UNC5C: variants seen among roughly 807,000 people sequenced by gnomAD.
UNC5C encodes the protein netrin receptor UNC5C.
UNC5C carries 47 observed loss-of-function variants against 99.8 expected under a neutral mutation model. The observed-to-expected ratio is 0.47, with a 90% CI of 0.37 to 0.60. The LOEUF is 0.60. Ranked by LOEUF, UNC5C falls within the 20% of genes least tolerant of loss-of-function variation. UNC5C has a pLI of 0.00. For synonymous variants in UNC5C, 487 were observed against 452.2 expected, an observed-to-expected ratio of 1.08 and a Z score of -0.98; for missense variants, 1,062 against 1,165.9, an observed-to-expected ratio of 0.91 and a Z score of 1.30.
intron 7 of UNC5C, among the ~76,000 whole-genome samples, chr4:95,240,793 G>A (rs774743902): frequency 1.3e-5 from 2 of 152,188 alleles, no homozygotes; most frequent in African/African-American, 2.4e-5. Context: ...CTAAGGGGTT[G>A]CTATGTCATG....
At chr4:95,347,002 A>G (rs1560797430) in intron 1 of UNC5C, among the ~76,000 whole-genome samples, 2 of 151,996 alleles carry the variant, frequency 1.3e-5, no homozygotes, top group Non-Finnish European at 2.9e-5. Flanking sequence ...TGAGATGATC[A>G]TATAGTTGGA....
At chr4:95,197,329 A>G (rs1288490903) in intron 12 of UNC5C, among the ~76,000 whole-genome samples, 3 of 151,840 alleles carry the variant, frequency 2.0e-5, no homozygotes, top group Non-Finnish European at 4.4e-5. Context: ...CTAGTCCAGC[A>G]TTTCTGTGGA....
intron 3 of UNC5C, among the ~76,000 whole-genome samples, chr4:95,290,705 T>C (rs1741411097): frequency 1.3e-5 from 2 of 152,216 alleles, no homozygotes; most frequent in African/African-American, 4.8e-5. Context: ...AAATGTTGGC[T>C]ACTAGGACAG....
intron 2 of UNC5C, among the ~76,000 whole-genome samples, chr4:95,328,077 T>A (rs1326845519): frequency 6.6e-5 from 7 of 106,566 alleles, no homozygotes; most frequent in African/African-American, 1.3e-4. Flanking sequence ...TTTTTTTTTT[T>A]ATTATACTTT....
At chr4:95,382,154 T>C (rs977742560) in intron 1 of UNC5C, among the ~76,000 whole-genome samples, 5 of 151,602 alleles carry the variant, frequency 3.3e-5, no homozygotes, top group Admixed American at 2.6e-4. Flanking sequence ...CAGGAACATA[T>C]TTAAGTTCTG....
chr4:95,267,965 T>TTTTTTTTTTTTTTTTC (rs1740510462), intron 4 of UNC5C, among the ~76,000 whole-genome samples: 1 of 149,682 alleles, frequency 6.7e-6, no homozygotes, highest in Non-Finnish European at 1.5e-5. Flanking sequence ...TTTTTTTTTT[T>TTTTTTTTTTTTTTTTC]TTGAGACGGA....
At chr4:95,405,450 T>A (rs1745808524) in intron 1 of UNC5C, among the ~76,000 whole-genome samples, 1 of 152,230 alleles carries the variant, frequency 6.6e-6, no homozygotes, top group African/African-American at 2.4e-5. Context: ...ACAGTTAGTC[T>A]GTTATTCTAT....
At chr4:95,255,984 T>C (rs949280024) in intron 4 of UNC5C, among the ~76,000 whole-genome samples, 13 of 152,266 alleles carry the variant, frequency 8.5e-5, no homozygotes, top group African/African-American at 3.1e-4. Flanking sequence ...GCTGAGGTCT[T>C]AGTGCTCATC....
At chr4:95,245,217 G>A in intron 5 of UNC5C, 73 bp from the exon 6 acceptor site, 1 of 1,425,176 alleles carries the variant, frequency 7.0e-7, no homozygotes, top group Non-Finnish European at 9.3e-7. Context: ...ACACAAAACA[G>A]ACACAATATG....
At chr4:95,536,621 A>G (rs1722789882) in intron 1 of UNC5C, among the ~76,000 whole-genome samples, 2 of 152,236 alleles carry the variant, frequency 1.3e-5, no homozygotes, top group Admixed American at 6.5e-5. Flanking sequence ...AAATACAATG[A>G]CATTCTTTAT....
At chr4:95,426,546 C>T (rs1746491723) in intron 1 of UNC5C, among the ~76,000 whole-genome samples, 2 of 152,192 alleles carry the variant, frequency 1.3e-5, no homozygotes, top group African/African-American at 4.8e-5. Flanking sequence ...TCAAGAGAGG[C>T]TGAAAGCTAG....
chr4:95,467,308 C>CT (rs35044968), intron 1 of UNC5C, among the ~76,000 whole-genome samples: 1 of 152,044 alleles, frequency 6.6e-6, no homozygotes, highest in Non-Finnish European at 1.5e-5. Flanking sequence ...AATGCAATCA[C>CT]TTTTTTTGGA....
chr4:95,472,273 C>G (rs929247559), intron 1 of UNC5C, among the ~76,000 whole-genome samples: 3 of 151,974 alleles, frequency 2.0e-5, no homozygotes, highest in African/African-American at 7.2e-5. Flanking sequence ...AAGGAGAAGC[C>G]TTTCATTTCA....
At chr4:95,423,280 T>C (rs775363687) in intron 1 of UNC5C, among the ~76,000 whole-genome samples, 14 of 152,182 alleles carry the variant, frequency 9.2e-5, no homozygotes, top group Admixed American at 2.6e-4. Context: ...AAGACAACAG[T>C]GCTTTGGCCA....
chr4:95,275,330 A>T (rs2149392932), intron 4 of UNC5C, among the ~76,000 whole-genome samples: 1 of 152,288 alleles, frequency 6.6e-6, no homozygotes, highest in South Asian at 2.1e-4. Flanking sequence ...TCTTGTGTGA[A>T]TTAAAAAATT....
chr4:95,484,888 G>C (rs1410100366), intron 1 of UNC5C, among the ~76,000 whole-genome samples: 2 of 151,806 alleles, frequency 1.3e-5, no homozygotes. Flanking sequence ...CAAATCATTT[G>C]ACCTATTCAT....
At chr4:95,527,144 T>A (rs1008084020) in intron 1 of UNC5C, among the ~76,000 whole-genome samples, 1 of 152,088 alleles carries the variant, frequency 6.6e-6, no homozygotes, top group Non-Finnish European at 1.5e-5. Context: ...CTCAAACAAG[T>A]TACTTTTACA....
At chr4:95,455,812 A>C (rs1477317520) in intron 1 of UNC5C, among the ~76,000 whole-genome samples, 2 of 152,102 alleles carry the variant, frequency 1.3e-5, no homozygotes, top group African/African-American at 2.4e-5. Context: ...TTGACGTTCT[A>C]CATAATTTGA....
intron 14 of UNC5C, among the ~76,000 whole-genome samples, chr4:95,176,527 TG>T (rs767721435): frequency 2.6e-5 from 4 of 151,912 alleles, no homozygotes; most frequent in Non-Finnish European, 5.9e-5. Flanking sequence ...CTGCCCCTGC[TG>T]GGGGGTGCCT....
Sources: gnomAD v4.1 joint callset for allele counts (sites outside exome capture counted in the v4.1 genomes callset) on GRCh38, gnomAD v4.1.1 for gene constraint, MANE v1.5 for transcripts, NCBI Gene and HGNC (gene_info 2026-07-23, HGNC 2026-07-21) for gene names.